PPL: variants seen among roughly 807,000 people sequenced by gnomAD.
The protein encoded by PPL is periplakin, also known as 190 kDa paraneoplastic pemphigus antigen.
PPL carries 198 observed loss-of-function variants against 194.4 expected under a neutral mutation model. That is an observed-to-expected ratio of 1.02 (90% CI 0.91 to 1.15). The LOEUF (loss-of-function observed/expected upper bound fraction) is 1.15, where lower values mean the gene tolerates loss of function less well. Ranked by LOEUF, PPL falls within the 50% of genes most tolerant of loss-of-function variation. The pLI, the probability that PPL is intolerant of heterozygous loss-of-function variation, is 0.00. For missense variants in PPL, 2,885 were observed against 2,294.8 expected (o/e 1.26, Z -5.25); for synonymous variants, 1,220 against 972.4 (o/e 1.25, Z -4.74).
At chr16:4,918,044 G>C (rs4786560) in intron 1 of PPL, among the ~76,000 whole-genome samples, 101,404 of 151,366 alleles carry the variant, frequency 0.67, 36,622 homozygotes, top group Non-Finnish European at 0.79. Flanking sequence ...TGTAATCCCA[G>C]CACTTTGGGA....
In PPL at chr16:4,899,288, C is replaced by T. The variant is rs1206955765; in HGVS notation, c.703G>A (p.Gly235Ser). Residue 235 changes from glycine (G) to serine (S), a missense_variant, in exon 7 of 22, where the codon GGC becomes AGC. Transcript: ENST00000345988. ...TCACTCCAGTCGTACTGCATGCGGC[C>T]CTTGGCCTGCTGGTCCAGCCAGTAC... Reference protein sequence around the residue: ...ELYWLDQQAKGRMQYDWSDRN... With the variant: ...ELYWLDQQAKSRMQYDWSDRN... 2.5e-6 allele frequency: 4 copies of T among 1,613,672 alleles called. No homozygotes were observed. The highest frequency in any genetic ancestry group is 1.1e-5 in the South Asian group (1 of 91,076).
At position 4,927,584 on chromosome 16, in the gene PPL, T is replaced by A. The variant is rs1371320808; in HGVS notation, c.62+9400A>T. ...CCCTGTGAGAAAGCAGTACACAGAA[T>A]GTGCCCAATGAATACCAGATTGATT... On this transcript the variant is annotated intron_variant, in intron 1 of 21. Coordinates refer to ENST00000345988, the MANE Select transcript of PPL (RefSeq NM_002705.5). Among the ~76,000 whole-genome samples, 3 of 152,356 alleles carry A rather than the reference T, an allele frequency of 2.0e-5. No individual in the cohort carries two copies. The East Asian group carries it at 5.8e-4, about 29-fold the overall frequency.
At chr16:4,916,000 C>T (rs1007300460) in intron 1 of PPL, among the ~76,000 whole-genome samples, 1 of 152,076 alleles carries the variant, frequency 6.6e-6, no homozygotes, top group African/African-American at 2.4e-5. Flanking sequence ...AAAACCACAC[C>T]GGGATGCCAC....
rs2088401997 is a variant in PPL, at chr16:4,895,239, CAG to C, written c.1242+20_1242+21del. ...CCCAAAAACTTTGTAGTGATGTGAA[CAG>C]AGGAGCTGGCCCCACGCACCTGCTC... On this transcript the variant is annotated intron_variant, in intron 11 of 21. Coordinates refer to ENST00000345988, the MANE Select transcript of PPL (RefSeq NM_002705.5). The C allele has an allele frequency of 6.3e-7, 1 of 1,590,108 alleles. No homozygotes were observed. The highest frequency in any genetic ancestry group is 2.2e-5 in the East Asian group (1 of 44,488).
chr16:4,936,738 G>A (rs903792026), intron 1 of PPL, among the ~76,000 whole-genome samples: 3 of 152,124 alleles, frequency 2.0e-5, no homozygotes, highest in Non-Finnish European at 2.9e-5. Flanking sequence ...TGCTCCCTGG[G>A]CTCCCGGAGT....
chr16:4,899,352 A>G lies in PPL; in HGVS notation c.639T>C (p.Ser213=). ...AASQARQQHL[S]SLQDYMQRCT... ...AGCGCTGCATGTAGTCCTGCAGCGA[A>G]CTCAGGTGCTGCTGCCGGGCCTGTG... Residue 213 remains serine, a synonymous_variant, in exon 7 of 22, where the codon AGT becomes AGC. Coordinates refer to ENST00000345988, the MANE Select transcript of PPL (RefSeq NM_002705.5). The G allele has an allele frequency of 6.2e-7, 1 of 1,610,970 alleles. No individual in the cohort carries two copies. The highest frequency in any genetic ancestry group is 8.5e-7 in the Non-Finnish European group (1 of 1,178,532).
intron 1 of PPL, among the ~76,000 whole-genome samples, chr16:4,913,605 T>A (rs1393993897): frequency 6.6e-6 from 1 of 152,228 alleles, no homozygotes; most frequent in Non-Finnish European, 1.5e-5. Context: ...TGGTATCATC[T>A]TGGCTCGCTG....
chr16:4,931,409 G>C (rs1208313519), intron 1 of PPL, among the ~76,000 whole-genome samples: 1 of 152,148 alleles, frequency 6.6e-6, no homozygotes, highest in Non-Finnish European at 1.5e-5. Flanking sequence ...TTGGGGTAGG[G>C]AAGGGCAGGG....
Position 4,885,668 on chromosome 16 carries a change from T to A in PPL, c.2987A>T (p.Glu996Val). 1 of 1,612,806 alleles carries A rather than the reference T, an allele frequency of 6.2e-7. No individual in the cohort carries two copies. The highest frequency in any genetic ancestry group is 1.1e-5 in the South Asian group (1 of 91,018). ...RDGGQEYVVK[E>V]VLRIEPDRAQ... is the part of the protein sequence containing the mutation. ...CCTGTCAGGCTCGATGCGCAGGACC[T>A]CCTTGACCACGTACTCCTGCCCCCC... Residue 996 changes from glutamate to valine, a missense_variant, in exon 22 of 22, where the codon GAG (glutamate) becomes GTG (valine). Physicochemically the swap from Glu to Val is moderately radical, Grantham distance 121 (BLOSUM62 -2). Transcript: ENST00000345988. This position sits in a 1 kb window ranked among gnomAD's most constrained non-coding sequence, Gnocchi z 6.3.
At chr16:4,899,806 C>T (rs935942781) in intron 6 of PPL, among the ~76,000 whole-genome samples, 1 of 152,154 alleles carries the variant, frequency 6.6e-6, no homozygotes, top group Non-Finnish European at 1.5e-5. Context: ...ATATCAGTAA[C>T]TATAGCTTCT....
In PPL at chr16:4,936,988, G is replaced by A. The variant is rs543225943; in HGVS notation, c.58C>T (p.Arg20Trp). The A allele has an allele frequency of 1.5e-5, 23 of 1,582,550 alleles. No individual in the cohort carries two copies. In the East Asian group the frequency reaches 4.7e-4, roughly 32 times the overall value. Residue 20 changes from arginine (R) to tryptophan (W), a missense_variant, in exon 1 of 22, where the codon CGG (arginine) becomes TGG (tryptophan). Coordinates refer to ENST00000345988, the MANE Select transcript of PPL (RefSeq NM_002705.5). ...KGKYSPTVQT[R>W]SISNKELSEL... ...GAGCTGTGGGCGCCTCCTCACCTCC[G>A]GGTCTGCACAGTGGGGCTGTATTTG...
In PPL at chr16:4,889,241, G is replaced by GGTTTTTTTTT. The variant is rs1442783436; in HGVS notation, c.2314-181_2314-180insAAAAAAAAAC. On this transcript the variant is annotated intron_variant, in intron 18 of 21. Transcript: ENST00000345988. ...AAAAGGCAGTTTTTTTGTTGTTGTT[G>GGTTTTTTTTT]TTTTTTTTTTTTTTTTTTTTTTTTT... Among the ~76,000 whole-genome samples, 282 of 66,640 alleles carry GGTTTTTTTTT rather than the reference G, an allele frequency of 4.2e-3. 36 individuals are homozygous for GGTTTTTTTTT. The highest frequency in any genetic ancestry group is 6.7e-3 in the East Asian group (14 of 2,102). 43.7% of individuals were successfully genotyped at this position (66,640 alleles called of 152,430 possible). A position where few individuals can be genotyped will look rare whatever the true frequency, so the allele number is the denominator to read the frequency against.
At chr16:4,919,500 G>C (rs2088993449) in intron 1 of PPL, among the ~76,000 whole-genome samples, 2 of 152,166 alleles carry the variant, frequency 1.3e-5, no homozygotes, top group East Asian at 1.9e-4. Flanking sequence ...CTGGCCTCAA[G>C]TGATCCTCCC....
chr16:4,912,973 A>G (rs1348468692), intron 1 of PPL, among the ~76,000 whole-genome samples: 2 of 152,066 alleles, frequency 1.3e-5, no homozygotes, highest in East Asian at 1.9e-4. Context: ...GTGTGGTGGC[A>G]TGCGCCTGTA....
At chr16:4,900,016 T>C (rs1281351825) in intron 6 of PPL, among the ~76,000 whole-genome samples, 1 of 152,104 alleles carries the variant, frequency 6.6e-6, no homozygotes, top group African/African-American at 2.4e-5. Flanking sequence ...AGGAGCTCCA[T>C]TTCTCAGATG....
chr16:4,895,811 G>C lies in PPL; in HGVS notation c.973-95C>G. 2 of 1,554,190 alleles carry C rather than the reference G, an allele frequency of 1.3e-6. 1 individual carries two copies. Among genetic ancestry groups the C allele is most frequent in the South Asian group, 2.3e-5 (2 of 86,730 alleles). On this transcript the variant is annotated intron_variant, in intron 9 of 21. Coordinates refer to ENST00000345988, the MANE Select transcript of PPL (RefSeq NM_002705.5). ...CAAGCTCATCCCTCAGGCGGGGCTG[G>C]GCCTCCGGTTCACCTGGAGTCCAGC...
intron 8 of PPL, among the ~76,000 whole-genome samples, chr16:4,898,606 A>G (rs1413031269): frequency 1.3e-5 from 2 of 152,208 alleles, no homozygotes; most frequent in Admixed American, 6.5e-5. Context: ...GGCTGTTGGC[A>G]ACCCCCAGAA....
At chr16:4,887,337 T>G in intron 20 of PPL, 110 bp from the exon 21 acceptor site, 5 of 812,256 alleles carry the variant, frequency 6.2e-6, no homozygotes, top group Non-Finnish European at 1.1e-5. Context: ...AATTTGGGGG[T>G]AGAGGCATAG....
At chr16:4,886,356 ATATC>A (rs1304687591) in intron 21 of PPL, among the ~76,000 whole-genome samples, 1 of 152,200 alleles carries the variant, frequency 6.6e-6, no homozygotes, top group Non-Finnish European at 1.5e-5. Flanking sequence ...TCACACAAGA[ATATC>A]TGTCTGTAGT....
Sources: gnomAD v4.1 joint callset for allele counts (sites outside exome capture counted in the v4.1 genomes callset) on GRCh38, gnomAD v4.1.1 for gene constraint, Gnocchi (gnomAD v3.1) non-coding constraint, MANE v1.5 for transcripts, NCBI Gene and HGNC (gene_info 2026-07-23, HGNC 2026-07-21) for gene names.